Variants in C14orf39 observed in about 807,000 individuals in gnomAD.
The protein encoded by C14orf39 is chromosome 14 open reading frame 39.
Under a neutral mutation model 85.6 loss-of-function variants are expected in C14orf39, and 66 were observed. The observed-to-expected ratio is 0.77, with a 90% CI of 0.63 to 0.95. The LOEUF (loss-of-function observed/expected upper bound fraction) is 0.95, where lower values mean the gene tolerates loss of function less well. Among genes scored for constraint, C14orf39 ranks in the 40% least tolerant of loss-of-function variants. The pLI is 0.00. For synonymous variants in C14orf39, 242 were observed against 214.0 expected (o/e 1.13, Z -1.14); for missense variants, 735 against 663.9 (o/e 1.11, Z -1.18).
chr14:60,477,809 A>G (rs10130267), intron 5 of C14orf39, among the ~76,000 whole-genome samples: 132,611 of 152,070 alleles, frequency 0.87, 58,311 homozygotes, highest in Non-Finnish European at 0.92. Context: ...TATATCTAGG[A>G]TTAGAGAGAG....
rs1357510575 is a variant in C14orf39, at chr14:60,515,365, G to A, written c.-144+30C>T. ...GAGGCCACAGATCTGGGTCCCCGAG[G>A]AAGGAGAGCCCCCCTTTTCGCGCAC... On this transcript the variant is annotated intron_variant, in intron 1 of 5. Coordinates refer to the C14orf39 transcript ENST00000556799. The surrounding 1 kb of genome is among the most constrained non-coding windows in gnomAD (Gnocchi z 6.2). 2.0e-5 allele frequency: 3 copies of A among 152,158 alleles called. No homozygotes were observed. Among genetic ancestry groups the A allele is most frequent in the African/African-American group, 7.2e-5 (3 of 41,408 alleles). The allele number at this position is 152,158 out of a possible 1,614,324, so 9.4% of individuals were successfully genotyped here. A position where few individuals can be genotyped will look rare whatever the true frequency, so the allele number is the denominator to read the frequency against.
rs1892987304 is a variant in C14orf39 at position 60,491,463 on chromosome 14, A to T, written c.-8-6377T>A. ...GGGACACAAACATTCAAACCACAGC[A>T]CAAGCTCAAACACAGCTCATGTATT... On this transcript the variant is annotated intron_variant, in intron 2 of 5. Coordinates refer to the C14orf39 transcript ENST00000556799. This position sits in a 1 kb window ranked among gnomAD's most constrained non-coding sequence, Gnocchi z 4.5. Among the ~76,000 whole-genome samples the T allele has an allele frequency of 6.6e-6, 1 of 152,198 alleles. No individual in the cohort carries two copies. The highest frequency in any genetic ancestry group is 1.5e-5 in the Non-Finnish European group (1 of 68,024).
intron 16 of C14orf39, among the ~76,000 whole-genome samples, chr14:60,445,613 G>C (rs1406582973): frequency 6.6e-6 from 1 of 151,964 alleles, no homozygotes; most frequent in Non-Finnish European, 1.5e-5. Flanking sequence ...CATAATAATG[G>C]GAGACGTTAA....
At chr14:60,511,341 AATC>A (rs1893291453) in intron 1 of C14orf39, 1 of 1,469,684 alleles carries the variant, frequency 6.8e-7, no homozygotes, top group Non-Finnish European at 9.5e-7. Flanking sequence ...GAGACCTGCA[AATC>A]CAGCGCCACA....
Position 60,465,413 on chromosome 14 carries a change from G to C in C14orf39, c.972+566C>G, listed in dbSNP as rs550580508. ...CTTCATGGGCATCAAGAACCACCCA[G>C]GGGACCTGCCTATCTCTCTCACCTA... is the stretch of plus-strand genomic sequence containing the variant. On this transcript the variant is annotated intron_variant, in intron 11 of 17. Transcript: ENST00000321731. 2.0e-5 allele frequency among the ~76,000 whole-genome samples: 3 copies of C among 152,184 alleles called. No homozygotes were observed. The East Asian group carries it at 5.8e-4, about 29-fold the overall frequency.
chr14:60,485,114 A>C (rs752355398), intron 1 of C14orf39, 28 bp from the exon 2 acceptor site: 2 of 1,566,478 alleles, frequency 1.3e-6, no homozygotes. Flanking sequence ...AAAAATTATA[A>C]GATTTTCTGA....
chr14:60,450,754 A>G (rs936498711), intron 16 of C14orf39, among the ~76,000 whole-genome samples: 1 of 152,146 alleles, frequency 6.6e-6, no homozygotes, highest in African/African-American at 2.4e-5. Context: ...GTGCAGTCCT[A>G]GTCGAGATGG....
chr14:60,464,434 A>G (rs1434331390), intron 11 of C14orf39, among the ~76,000 whole-genome samples: 10 of 152,056 alleles, frequency 6.6e-5, no homozygotes, highest in Admixed American at 6.6e-4. Flanking sequence ...TAAACTCACA[A>G]TCAGTACTCT....
rs1011054828 is a variant in C14orf39, at chr14:60,439,203, G to A, written c.1562-2156C>T. On this transcript the variant is annotated intron_variant, in intron 17 of 17. Transcript: ENST00000321731. ...GTACAACTATATACCAATAAAAAAT[G>A]AAACAGGTAGTTGGAGCTAAATTAG... Among the ~76,000 whole-genome samples, 5 of 152,076 alleles carry A rather than the reference G, an allele frequency of 3.3e-5. No individual in the cohort carries two copies. The South Asian group carries it at 8.3e-4, about 25-fold the overall frequency.
At chr14:60,459,622 T>A (rs961853513) in intron 13 of C14orf39, among the ~76,000 whole-genome samples, 1 of 151,766 alleles carries the variant, frequency 6.6e-6, no homozygotes, top group Non-Finnish European at 1.5e-5. Context: ...GGAGAATTCC[T>A]ATTGTCCTAC....
At chr14:60,460,401 T>C (rs1391161749) in intron 13 of C14orf39, among the ~76,000 whole-genome samples, 1 of 151,834 alleles carries the variant, frequency 6.6e-6, no homozygotes, top group Non-Finnish European at 1.5e-5. Context: ...AATAAGCATA[T>C]TGTGTTGGAT....
intron 2 of C14orf39, chr14:60,494,034 CT>C (rs1893031106): frequency 1.3e-5 from 3 of 238,188 alleles, no homozygotes; most frequent in African/African-American, 2.3e-5. Flanking sequence ...GGTGTCAACA[CT>C]GGCGCTCTAG....
intron 16 of C14orf39, among the ~76,000 whole-genome samples, chr14:60,443,237 T>C (rs1273121173): frequency 6.6e-5 from 10 of 152,112 alleles, no homozygotes; most frequent in Non-Finnish European, 1.5e-4. Context: ...ACCCGTGAAG[T>C]GCATGGGGTT....
intron 5 of C14orf39, among the ~76,000 whole-genome samples, chr14:60,472,436 A>G (rs1288073842): frequency 6.6e-6 from 1 of 152,130 alleles, no homozygotes. Flanking sequence ...GTTTTAGGGT[A>G]TATGTGCACA....
intron 5 of C14orf39, among the ~76,000 whole-genome samples, chr14:60,477,629 T>A (rs188213576): frequency 3.3e-5 from 5 of 152,186 alleles, no homozygotes; most frequent in Admixed American, 6.5e-5. Context: ...AAGTTTGATA[T>A]AAAATACCAT....
chr14:60,492,687 G>A (rs954885231), intron 2 of C14orf39, among the ~76,000 whole-genome samples: 1 of 152,052 alleles, frequency 6.6e-6, no homozygotes, highest in Non-Finnish European at 1.5e-5. Flanking sequence ...AGAGGCTGAC[G>A]CAGGAGGATG....
rs746409474 is a variant in C14orf39 at position 60,442,078 on chromosome 14, C to A, written c.1557G>T (p.Glu519Asp). ...RNLNPLSSEQ[E>D]IGNLLEKPEG... ...AGCAAACTTCAAACAACTTACCAAT[C>A]TCTTGCTCTGATGACAGAGGATTTA... Residue 519 changes from glutamate to aspartate, a missense_variant, in exon 17 of 18, where the codon GAG (glutamate) becomes GAT (aspartate). Coordinates refer to ENST00000321731, the MANE Select transcript of C14orf39 (RefSeq NM_174978.3). 6.2e-7 allele frequency: 1 copy of A among 1,609,166 alleles called. No homozygotes were observed. The highest frequency in any genetic ancestry group is 8.5e-7 in the Non-Finnish European group (1 of 1,176,210).
intron 1 of C14orf39, among the ~76,000 whole-genome samples, chr14:60,506,917 T>C (rs1893211052): frequency 6.6e-6 from 1 of 152,322 alleles, no homozygotes; most frequent in East Asian, 1.9e-4. Flanking sequence ...CCCTAGACTG[T>C]CCACTTGCTC....
intron 2 of C14orf39, chr14:60,495,872 C>T (rs1277475231): frequency 2.7e-6 from 1 of 371,032 alleles, no homozygotes; most frequent in East Asian, 7.1e-5. Flanking sequence ...TCTAGCACTA[C>T]AGTATAGAAT....
Sources: allele counts gnomAD v4.1 joint callset (sites outside exome capture counted in the v4.1 genomes callset), GRCh38; gene constraint gnomAD v4.1.1; non-coding constraint Gnocchi (gnomAD v3.1); transcripts MANE v1.5; gene names NCBI Gene and HGNC (gene_info 2026-07-23, HGNC 2026-07-21).